Variants in DMD observed in about 807,000 individuals in gnomAD.
The protein encoded by DMD is dystrophin, also known as mutant dystrophin.
DMD carries 63 observed loss-of-function variants against 330.1 expected under a neutral mutation model. The ratio of observed to expected loss-of-function variants is 0.19; its 90% CI spans 0.16 to 0.24. DMD has a LOEUF of 0.24. Ranked by LOEUF, DMD falls within the 10% of genes least tolerant of loss-of-function variation. The pLI, the probability that DMD is intolerant of heterozygous loss-of-function variation, is 1.00. For synonymous variants in DMD, 1,223 were observed against 959.8 expected (o/e 1.27, Z -5.07); for missense variants, 3,344 against 2,684.1 (o/e 1.25, Z -5.43).
intron 9 of DMD, among the ~76,000 whole-genome samples, chrX:32,661,518 T>A (rs529558903): frequency 9.0e-6 from 1 of 111,566 alleles, no homozygotes; most frequent in Non-Finnish European, 1.9e-5. Context: ...CCAGACTTTT[T>A]TGTAATAACT....
chrX:31,256,966 G>A (rs1038659566), intron 63 of DMD, among the ~76,000 whole-genome samples: 2 of 110,205 alleles, frequency 1.8e-5, no homozygotes, highest in Non-Finnish European at 3.8e-5. Flanking sequence ...ATGTATTAGA[G>A]AGCTCCAATG....
chrX:32,526,591 A>C, intron 17 of DMD, among the ~76,000 whole-genome samples: 1 of 111,784 alleles, frequency 8.9e-6, no homozygotes, highest in East Asian at 2.8e-4. Flanking sequence ...ACTCAGCCTC[A>C]TCCAGTTGAA....
chrX:32,980,215 A>G (rs1385349414), intron 2 of DMD, among the ~76,000 whole-genome samples: 1 of 107,335 alleles, frequency 9.3e-6, no homozygotes, highest in African/African-American at 3.4e-5. Flanking sequence ...AAAACAGAAA[A>G]ATTAGGCTGG....
intron 63 of DMD, among the ~76,000 whole-genome samples, chrX:31,225,860 A>C (rs2046528907): frequency 8.9e-6 from 1 of 111,781 alleles, no homozygotes. Context: ...AAAAGACAGA[A>C]CTGTGACTTC....
Position 32,385,620 on chromosome X carries a change from T to TAATTTTACACCATCAAAGCTCTA in DMD, c.4674+689_4674+690insTAGAGCTTTGATGGTGTAAAATT, listed in dbSNP as rs6151281. On this transcript the variant is annotated intron_variant, in intron 33 of 78. Transcript: ENST00000357033. ...AGAGTGAAGAGACTACTTACTATCATAATCTATACAGAATATTTGAGTTGA... is the reference window on the plus strand; with the variant it reads ...AGAGTGAAGAGACTACTTACTATCATAATTTTACACCATCAAAGCTCTAAATCTATACAGAATATTTGAGTTGA... Among the ~76,000 whole-genome samples the TAATTTTACACCATCAAAGCTCTA allele has an allele frequency of 2.8e-5, 3 of 108,390 alleles. No individual in the cohort carries two copies. In the South Asian group the frequency reaches 1.2e-3, roughly 43 times the overall value. The allele number at this position is 108,390 out of a possible 115,157, so 94.1% of individuals were successfully genotyped here. A position where few individuals can be genotyped will look rare whatever the true frequency, so the allele number is the denominator to read the frequency against.
At chrX:32,716,931 G>A (rs940854003) in intron 7 of DMD, among the ~76,000 whole-genome samples, 2 of 111,709 alleles carry the variant, frequency 1.8e-5, no homozygotes, top group African/African-American at 6.5e-5. Flanking sequence ...TTTCTAACCA[G>A]CAAAACATTT....
intron 52 of DMD, among the ~76,000 whole-genome samples, chrX:31,720,107 G>C (rs2085357409): frequency 8.9e-6 from 1 of 111,925 alleles, no homozygotes; most frequent in Admixed American, 9.5e-5. Flanking sequence ...GACAAAAGTA[G>C]AACAAGCTCG....
intron 7 of DMD, among the ~76,000 whole-genome samples, chrX:32,708,094 T>C (rs1030855024): frequency 2.7e-5 from 3 of 111,879 alleles, no homozygotes; most frequent in Non-Finnish European, 5.6e-5. Context: ...GTTTACAGTG[T>C]TAGAAGTTAT....
intron 9 of DMD, among the ~76,000 whole-genome samples, chrX:32,648,330 T>A (rs950628022): frequency 1.8e-5 from 2 of 112,019 alleles, no homozygotes; most frequent in African/African-American, 6.5e-5. Context: ...AGAATTATAA[T>A]CAAAATTTGA....
At chrX:32,803,459 A>C (rs186140832) in intron 7 of DMD, among the ~76,000 whole-genome samples, 2 of 104,714 alleles carry the variant, frequency 1.9e-5, no homozygotes, top group Admixed American at 2.1e-4. Context: ...TCGTGTCTCT[A>C]TCTCCTTCAG....
At chrX:33,174,792 A>G (rs967392491) in intron 1 of DMD, among the ~76,000 whole-genome samples, 1 of 112,373 alleles carries the variant, frequency 8.9e-6, no homozygotes, top group Non-Finnish European at 1.9e-5. Flanking sequence ...CCTTATCATG[A>G]AATTCATGCA....
chrX:32,048,945 T>C (rs915976218), intron 44 of DMD, among the ~76,000 whole-genome samples: 1 of 111,587 alleles, frequency 9.0e-6, no homozygotes, highest in South Asian at 3.7e-4. Flanking sequence ...AAGAAGTACC[T>C]ATGCTGGATT....
chrX:33,195,239 G>A (rs962369058), intron 1 of DMD, among the ~76,000 whole-genome samples: 4 of 111,525 alleles, frequency 3.6e-5, no homozygotes, highest in Non-Finnish European at 5.6e-5. Flanking sequence ...TCCGTTCTAA[G>A]TCTCCTTCAG....
rs373786376 is a variant in DMD at position 32,585,788 on chromosome X, T to A, written c.1602+9969A>T. On this transcript the variant is annotated intron_variant, in intron 13 of 78. Transcript: ENST00000357033. Reference sequence around the variant, plus strand: ...TTCCCCTGTAATTTTGTATGGTGGGTATTATGATCACTGTTATCTTTGAGT... The same window carrying A: ...TTCCCCTGTAATTTTGTATGGTGGGAATTATGATCACTGTTATCTTTGAGT... 7.5e-5 allele frequency among the ~76,000 whole-genome samples: 8 copies of A among 107,054 alleles called. No homozygotes were observed. The East Asian group carries it at 1.1e-3, about 15-fold the overall frequency. The allele number at this position is 107,054 out of a possible 115,157, so 93.0% of individuals were successfully genotyped here.
At chrX:33,223,423 C>T (rs2052225818) in intron 1 of DMD, among the ~76,000 whole-genome samples, 1 of 112,067 alleles carries the variant, frequency 8.9e-6, no homozygotes, top group Middle Eastern at 4.7e-3. Context: ...GTCTTATTGG[C>T]AAAAGAAGAG....
intron 7 of DMD, among the ~76,000 whole-genome samples, chrX:32,708,499 G>C (rs947756249): frequency 1.3e-4 from 14 of 111,199 alleles, no homozygotes; most frequent in African/African-American, 4.3e-4. Flanking sequence ...TGTTAACAGA[G>C]AAAATGAATG....
intron 47 of DMD, among the ~76,000 whole-genome samples, chrX:31,894,225 C>T (rs16989917): frequency 0.06 from 6,775 of 112,044 alleles, 202 homozygotes; most frequent in African/African-American, 0.097. Flanking sequence ...AATCAACTGC[C>T]ATGGTGTTCC....
At chrX:32,891,097 G>T (rs1239989283) in intron 2 of DMD, among the ~76,000 whole-genome samples, 6 of 111,982 alleles carry the variant, frequency 5.4e-5, no homozygotes, top group African/African-American at 1.9e-4. Flanking sequence ...TTTTAAAGTG[G>T]CTACTCAAAA....
At chrX:32,379,897 G>A (rs981934473) in intron 34 of DMD, among the ~76,000 whole-genome samples, 1 of 110,218 alleles carries the variant, frequency 9.1e-6, no homozygotes, top group African/African-American at 3.3e-5. Flanking sequence ...ACACTTTCAG[G>A]TAATCTGGTA....
Sources: gnomAD v4.1 joint callset for allele counts (sites outside exome capture counted in the v4.1 genomes callset) on GRCh38, gnomAD v4.1.1 for gene constraint, MANE v1.5 for transcripts, NCBI Gene and HGNC (gene_info 2026-07-23, HGNC 2026-07-21) for gene names.